Variants in DACT2 observed in about 807,000 individuals in gnomAD.
DACT2 encodes dishevelled binding antagonist of beta catenin 2.
DACT2 carries 20 observed loss-of-function variants against 22.2 expected under a neutral mutation model. The observed-to-expected ratio is 0.90, with a 90% CI of 0.63 to 1.31. The LOEUF is 1.31. DACT2 is among the 50% of genes most tolerant of loss of function. The pLI is 0.00. For synonymous variants in DACT2, 463 were observed against 479.8 expected (o/e 0.96, Z 0.46); for missense variants, 1,048 against 1,061.4 (o/e 0.99, Z 0.18).
At chr6:168,294,043 G>A (rs1778956567) in intron 5 of DACT2, 1 of 702,694 alleles carries the variant, frequency 1.4e-6, no homozygotes, top group African/African-American at 1.7e-5. Context: ...CGTCCCCACA[G>A]AGCACCCACG....
Position 168,310,178 on chromosome 6 carries a change from A to G in DACT2, c.648T>C (p.Pro216=), listed in dbSNP as rs767670784. 36 of 1,549,606 alleles carry G rather than the reference A, an allele frequency of 2.3e-5. No individual in the cohort carries two copies. The African/African-American group carries it at 4.1e-4, about 18-fold the overall frequency. ...CTGGCAGTTTCTTACCTGTAGACAC[A>G]GGCCTGGGCCAGAATGTGCCCCACG... The part of the protein sequence containing the change: ...GQPWGTFWPR[P]VSTGDLDRAL... The change falls in exon 3 of 4, where the codon CCT becomes CCC. Residue 216 remains proline, a synonymous_variant. Transcript: ENST00000366795.
chr6:168,294,600 TATAC>T, intron 4 of DACT2: 20 of 787,130 alleles, frequency 2.5e-5, no homozygotes, highest in East Asian at 3.7e-5. Flanking sequence ...TATATATATA[TATAC>T]ACATATAAAG....
At chr6:168,313,938 T>C (rs1779485087) in intron 1 of DACT2, among the ~76,000 whole-genome samples, 1 of 152,140 alleles carries the variant, frequency 6.6e-6, no homozygotes, top group South Asian at 2.1e-4. Context: ...AGGTTATTTA[T>C]TACGTCCTCA....
At chr6:168,295,245 G>A (rs1005546320) in intron 3 of DACT2, among the ~76,000 whole-genome samples, 3 of 152,208 alleles carry the variant, frequency 2.0e-5, no homozygotes, top group African/African-American at 7.2e-5. Context: ...TATAATACCA[G>A]TATTTTCTCA....
intron 3 of DACT2, chr6:168,298,911 C>T (rs1046406405): frequency 6.6e-6 from 1 of 151,912 alleles, no homozygotes; most frequent in African/African-American, 2.4e-5. Flanking sequence ...ATATCTACCT[C>T]ACAGGATTGT....
chr6:168,318,257 G>A (rs950242689), intron 1 of DACT2, among the ~76,000 whole-genome samples: 2 of 152,270 alleles, frequency 1.3e-5, no homozygotes, highest in African/African-American at 2.4e-5. Flanking sequence ...CCTCTCAGGA[G>A]GCATCAGGGG....
intron 1 of DACT2, among the ~76,000 whole-genome samples, chr6:168,318,851 C>G (rs1230559957): frequency 6.6e-6 from 1 of 152,142 alleles, no homozygotes; most frequent in East Asian, 1.9e-4. Context: ...ATGCTTTCCC[C>G]CAATACTTTA....
intron 3 of DACT2, 132 bp from the exon 4 acceptor site, chr6:168,309,230 G>T: frequency 7.3e-7 from 1 of 1,369,744 alleles, no homozygotes; most frequent in Non-Finnish European, 9.6e-7. Flanking sequence ...TGGGTCCCAT[G>T]GGAGACGGCG....
At chr6:168,311,576 ACACC>A (rs1779409147) in intron 1 of DACT2, among the ~76,000 whole-genome samples, 1 of 137,264 alleles carries the variant, frequency 7.3e-6, no homozygotes. Context: ...ACAAACACAC[ACACC>A]CATCCACACA....
In DACT2 at chr6:168,308,635, G is replaced by C. The variant is rs953176594; in HGVS notation, c.1122C>G (p.Asp374Glu). Residue 374 changes from aspartate to glutamate, a missense_variant, in exon 4 of 4, where the codon GAC (aspartate) becomes GAG (glutamate). Transcript: ENST00000366795. ...CGAAGACCAGCAGTCGCCCTCCACC[G>C]TCTGTACTCCAGCCACCCTGCCTCT... ...SPQRQGGWSTDGGGRLLVFAP... is the reference protein window; with the variant it reads ...SPQRQGGWSTEGGGRLLVFAP... 6.5e-7 allele frequency: 1 copy of C among 1,544,134 alleles called. No homozygotes were observed. Among genetic ancestry groups the C allele is most frequent in the Admixed American group, 2.0e-5 (1 of 50,998 alleles).
At chr6:168,312,091 C>T (rs1779434944) in intron 1 of DACT2, among the ~76,000 whole-genome samples, 1 of 152,246 alleles carries the variant, frequency 6.6e-6, no homozygotes, top group South Asian at 2.1e-4. Flanking sequence ...GCATTTTGAA[C>T]TGTTACAGGC....
chr6:168,300,980 T>A (rs1213142325), intron 3 of DACT2, among the ~76,000 whole-genome samples: 1 of 150,406 alleles, frequency 6.6e-6, no homozygotes, highest in Non-Finnish European at 1.5e-5. Context: ...ATTGACTCTG[T>A]CTCAAAAAAC....
chr6:168,301,284 C>A (rs1002153785), intron 3 of DACT2, among the ~76,000 whole-genome samples: 6 of 152,170 alleles, frequency 3.9e-5, no homozygotes, highest in African/African-American at 1.2e-4. Flanking sequence ...TCCCAGAGAA[C>A]GGGTCTTTCT....
At chr6:168,305,003 T>C (rs1008819263), downstream of DACT2, among the ~76,000 whole-genome samples, 3 of 151,940 alleles carry the variant, frequency 2.0e-5, no homozygotes, top group Non-Finnish European at 2.9e-5. Context: ...TCAGGCAAAC[T>C]GAAATGCATG....
chr6:168,318,494 T>C (rs1213505941), intron 1 of DACT2, among the ~76,000 whole-genome samples: 1 of 152,260 alleles, frequency 6.6e-6, no homozygotes, highest in Non-Finnish European at 1.5e-5. Context: ...CAGGACAGAC[T>C]TAAATTTCTA....
Position 168,307,491 on chromosome 6 carries a change from G to C in DACT2, c.2266C>G (p.Leu756Val), listed in dbSNP as rs1779240236. Residue 756 changes from leucine (L) to valine (V), a missense_variant, in exon 4 of 4, where the codon CTG becomes GTG. Coordinates refer to ENST00000366795, the MANE Select transcript of DACT2 (RefSeq NM_214462.5). The surrounding 1 kb of genome is among the most constrained non-coding windows in gnomAD (Gnocchi z 5.3). Reference protein sequence around the residue: ...KLCRIKASKALKKKIRRFQPT... With the variant: ...KLCRIKASKAVKKKIRRFQPT... ...TGGAACCTGCGGATCTTCTTCTTCAGGGCCTTGGAGGCCTTAATACGGCAC... is the reference window on the plus strand; with the variant it reads ...TGGAACCTGCGGATCTTCTTCTTCACGGCCTTGGAGGCCTTAATACGGCAC... 1 of 1,551,664 alleles carries C rather than the reference G, an allele frequency of 6.4e-7. No homozygotes were observed. Among genetic ancestry groups the C allele is most frequent in the African/African-American group, 1.4e-5 (1 of 73,166 alleles).
At chr6:168,297,419 G>A (rs1779026593) in intron 3 of DACT2, among the ~76,000 whole-genome samples, 1 of 152,154 alleles carries the variant, frequency 6.6e-6, no homozygotes, top group Admixed American at 6.5e-5. Context: ...AAATAGGAGA[G>A]GCACAGCTTG....
intron 4 of DACT2, among the ~76,000 whole-genome samples, chr6:168,294,372 G>A (rs1405641966): frequency 6.6e-6 from 1 of 152,006 alleles, no homozygotes; most frequent in Non-Finnish European, 1.5e-5. Context: ...CAGCGAGCTG[G>A]AGGTGCAGCC....
rs953176594 is a variant in DACT2 at position 168,308,635 on chromosome 6, G to A, written c.1122C>T (p.Asp374=). 13 of 1,544,134 alleles carry A rather than the reference G, an allele frequency of 8.4e-6. No individual in the cohort carries two copies. The highest frequency in any genetic ancestry group is 2.7e-5 in the African/African-American group (2 of 73,140). ...CGAAGACCAGCAGTCGCCCTCCACC[G>A]TCTGTACTCCAGCCACCCTGCCTCT... ...SPQRQGGWST[D]GGGRLLVFAP... Residue 374 remains aspartate (D), a synonymous_variant, in exon 4 of 4, where the codon GAC becomes GAT. Coordinates refer to ENST00000366795, the MANE Select transcript of DACT2 (RefSeq NM_214462.5).
Sources: gnomAD v4.1 joint callset for allele counts (sites outside exome capture counted in the v4.1 genomes callset) on GRCh38, gnomAD v4.1.1 for gene constraint, Gnocchi (gnomAD v3.1) non-coding constraint, MANE v1.5 for transcripts, NCBI Gene and HGNC (gene_info 2026-07-23, HGNC 2026-07-21) for gene names.